METTL16: variants seen among roughly 807,000 people sequenced by gnomAD.
The protein encoded by METTL16 is methyltransferase 16, RNA N6-adenosine.
In METTL16, 19 loss-of-function variants were observed where a neutral mutation model predicts 57.9. The observed-to-expected ratio is 0.33, with a 90% CI of 0.23 to 0.48. The LOEUF (loss-of-function observed/expected upper bound fraction) is 0.48. Among genes scored for constraint, METTL16 ranks in the 20% least tolerant of loss-of-function variants. METTL16 has a pLI of 0.99. For synonymous variants in METTL16, 246 were observed against 255.6 expected (o/e 0.96, Z 0.36); for missense variants, 434 against 691.5 (o/e 0.63, Z 4.18).
intron 2 of METTL16, among the ~76,000 whole-genome samples, chr17:2,497,100 G>A (rs2067451433): frequency 6.6e-6 from 1 of 150,642 alleles, no homozygotes; most frequent in Non-Finnish European, 1.5e-5. Context: ...CCACCTCCTG[G>A]GTTCAAGCGA....
chr17:2,428,636 C>T (rs1380275278), intron 8 of METTL16, among the ~76,000 whole-genome samples: 6 of 131,264 alleles, frequency 4.6e-5, no homozygotes, highest in Admixed American at 3.3e-4. Context: ...GTGGCTCACA[C>T]CTGTAATCTC....
chr17:2,492,159 C>A (rs577509538), intron 2 of METTL16, among the ~76,000 whole-genome samples: 3 of 151,718 alleles, frequency 2.0e-5, no homozygotes, highest in South Asian at 2.1e-4. Flanking sequence ...TGCAGTGAGC[C>A]GAGATTGCGC....
At chr17:2,454,916 C>CTATT (rs949034938) in intron 6 of METTL16, among the ~76,000 whole-genome samples, 4 of 151,392 alleles carry the variant, frequency 2.6e-5, no homozygotes, top group Non-Finnish European at 5.9e-5. Context: ...ATTTGTTATC[C>CTATT]TATTTATTTA....
chr17:2,454,621 G>C (rs974682708), intron 6 of METTL16, among the ~76,000 whole-genome samples: 8 of 144,944 alleles, frequency 5.5e-5, no homozygotes, highest in African/African-American at 1.8e-4. Context: ...GTGGAGTGCA[G>C]TGGCATGATC....
At chr17:2,508,125 A>T (rs1396634743) in intron 1 of METTL16, among the ~76,000 whole-genome samples, 3 of 3,938 alleles carry the variant, frequency 7.6e-4, no homozygotes, top group Admixed American at 6.7e-3. Flanking sequence ...ATGATCAATA[A>T]AAAAAAAAAA....
intron 8 of METTL16, among the ~76,000 whole-genome samples, chr17:2,423,182 C>G (rs546185429): frequency 6.6e-6 from 1 of 151,956 alleles, no homozygotes; most frequent in African/African-American, 2.4e-5. Context: ...AACCAGCGGC[C>G]TCACACTGCA....
chr17:2,459,034 T>C (rs2067130498), intron 6 of METTL16, among the ~76,000 whole-genome samples: 1 of 152,086 alleles, frequency 6.6e-6, no homozygotes, highest in African/African-American at 2.4e-5. Flanking sequence ...CTTGAACTCC[T>C]GGGCTCAAGT....
intron 6 of METTL16, among the ~76,000 whole-genome samples, chr17:2,457,130 G>A (rs2067116455): frequency 7.5e-5 from 11 of 146,150 alleles, no homozygotes; most frequent in Admixed American, 6.9e-4. Flanking sequence ...TCATGAGATC[G>A]AGATCATCCC....
chr17:2,460,623 C>T (rs1220622687), intron 6 of METTL16, among the ~76,000 whole-genome samples: 10 of 152,120 alleles, frequency 6.6e-5, no homozygotes, highest in East Asian at 1.9e-4. Flanking sequence ...CGGTGGCTCA[C>T]GCCTGTAATC....
chr17:2,485,371 C>T (rs76857516), intron 2 of METTL16, among the ~76,000 whole-genome samples: 7,982 of 152,144 alleles, frequency 0.052, 653 homozygotes, highest in African/African-American at 0.18. Flanking sequence ...AATAATACAA[C>T]GTAATAAATG....
intron 6 of METTL16, among the ~76,000 whole-genome samples, chr17:2,445,158 T>C (rs978693877): frequency 6.6e-6 from 1 of 152,150 alleles, no homozygotes; most frequent in Non-Finnish European, 1.5e-5. Flanking sequence ...CCCATTTTTA[T>C]CTTTAATTTT....
At chr17:2,436,871 CTTTT>C (rs543406197) in intron 8 of METTL16, 17 of 129,762 alleles carry the variant, frequency 1.3e-4, no homozygotes, top group South Asian at 2.5e-4. Flanking sequence ...GTGAACAAAC[CTTTT>C]TTTTTTTTTT....
At chr17:2,462,709 T>C (rs576114152) in intron 6 of METTL16, among the ~76,000 whole-genome samples, 6 of 152,238 alleles carry the variant, frequency 3.9e-5, no homozygotes, top group South Asian at 2.1e-4. Flanking sequence ...ATTGTACGTT[T>C]CCTGAGACTT....
chr17:2,420,493 A>G lies in METTL16; in HGVS notation c.1166T>C (p.Val389Ala). The G allele has an allele frequency of 6.2e-7, 1 of 1,614,092 alleles. No homozygotes were observed. Among genetic ancestry groups the G allele is most frequent in the Non-Finnish European group, 8.5e-7 (1 of 1,180,002 alleles). ...IHLRRKKRER[V>A]RQLREVPRAP... Reference sequence around the variant, plus strand: ...TCGGGGAACTTCTCTCAGCTGTCTCACACGCTCTCTTTTCTTTCTCCTTAA... The same window carrying G: ...TCGGGGAACTTCTCTCAGCTGTCTCGCACGCTCTCTTTTCTTTCTCCTTAA... Residue 389 changes from valine (V) to alanine (A), a missense_variant, in exon 10 of 10, where the codon GTG (valine) becomes GCG (alanine). Val to Ala is a moderately conservative substitution (Grantham distance 64). Around this residue, in one of 5 missense-constraint regions of METTL16, gnomAD observed 26 missense variants for 63.0 expected, o/e 0.41. Transcript: ENST00000263092. The surrounding 1 kb of genome is among the most constrained non-coding windows in gnomAD (Gnocchi z 5.4).
At chr17:2,423,749 G>C (rs2066786952) in intron 8 of METTL16, among the ~76,000 whole-genome samples, 1 of 152,152 alleles carries the variant, frequency 6.6e-6, no homozygotes, top group South Asian at 2.1e-4. Flanking sequence ...CACAAATTCT[G>C]ACCAGTAAAG....
intron 6 of METTL16, among the ~76,000 whole-genome samples, chr17:2,453,547 G>C (rs1003879262): frequency 6.6e-6 from 1 of 152,176 alleles, no homozygotes. Flanking sequence ...TGAGCACCTG[G>C]TCAGGGAGGT....
intron 2 of METTL16, among the ~76,000 whole-genome samples, chr17:2,494,604 A>G (rs1288408594): frequency 6.6e-6 from 1 of 151,744 alleles, no homozygotes; most frequent in African/African-American, 2.4e-5. Context: ...GACTCAGGAG[A>G]CTGAGGTAGG....
intron 6 of METTL16, among the ~76,000 whole-genome samples, chr17:2,457,779 T>C (rs530968643): frequency 6.6e-6 from 1 of 152,204 alleles, no homozygotes; most frequent in African/African-American, 2.4e-5. Context: ...CAAATATGTA[T>C]TCATTTAATT....
intron 6 of METTL16, among the ~76,000 whole-genome samples, chr17:2,446,926 C>A (rs1417941642): frequency 6.6e-6 from 1 of 151,640 alleles, no homozygotes; most frequent in Non-Finnish European, 1.5e-5. Context: ...GATCTCGGCT[C>A]GCTACAGCCT....
Sources: allele counts gnomAD v4.1 joint callset (sites outside exome capture counted in the v4.1 genomes callset), GRCh38; gene constraint gnomAD v4.1.1; regional missense constraint gnomAD v4.1.1; non-coding constraint Gnocchi (gnomAD v3.1); transcripts MANE v1.5; gene names NCBI Gene and HGNC (gene_info 2026-07-23, HGNC 2026-07-21).